The following IFT80 variants were observed in gnomAD, a reference collection of about 807,000 sequenced individuals.
IFT80 encodes intraflagellar transport 80.
Under a neutral mutation model 107.9 loss-of-function variants are expected in IFT80, and 79 were observed. The observed-to-expected ratio is 0.73, with a 90% CI of 0.61 to 0.88. The LOEUF (loss-of-function observed/expected upper bound fraction) is 0.88. Ranked by LOEUF, IFT80 falls within the 40% of genes least tolerant of loss-of-function variation. IFT80 has a pLI of 0.00. For missense variants in IFT80, 797 were observed against 914.2 expected, an observed-to-expected ratio of 0.87 and a Z score of 1.65; for synonymous variants, 299 against 300.9, an observed-to-expected ratio of 0.99 and a Z score of 0.07.
intron 8 of IFT80, among the ~76,000 whole-genome samples, chr3:160,326,903 T>A (rs112186271): frequency 0.15 from 22,772 of 151,972 alleles, 2,163 homozygotes; most frequent in Non-Finnish European, 0.21. Context: ...GATGACATGA[T>A]CCCATTATAC....
At chr3:160,343,342 C>T (rs1720055798) in intron 8 of IFT80, among the ~76,000 whole-genome samples, 1 of 152,068 alleles carries the variant, frequency 6.6e-6, no homozygotes, top group Non-Finnish European at 1.5e-5. Context: ...CAAGCAATAG[C>T]ACCACCTGCT....
chr3:160,272,926 T>C (rs769382656), intron 18 of IFT80, among the ~76,000 whole-genome samples: 1 of 152,194 alleles, frequency 6.6e-6, no homozygotes, highest in Non-Finnish European at 1.5e-5. Context: ...GCAGCTAAAG[T>C]ACATAAACAA....
chr3:160,269,202 C>G (rs1467932465), intron 18 of IFT80, among the ~76,000 whole-genome samples: 1 of 148,388 alleles, frequency 6.7e-6, no homozygotes, highest in Non-Finnish European at 1.5e-5. Context: ...GCATTCCGGC[C>G]TGGGTGACAG....
intron 8 of IFT80, among the ~76,000 whole-genome samples, chr3:160,353,119 A>T (rs6441315): frequency 0.8 from 121,059 of 152,150 alleles, 49,412 homozygotes; most frequent in African/African-American, 0.95. Flanking sequence ...AAACTATGAT[A>T]CCTCACCTTT....
chr3:160,313,509 A>G (rs1717565622), intron 9 of IFT80, among the ~76,000 whole-genome samples: 1 of 152,082 alleles, frequency 6.6e-6, no homozygotes, highest in African/African-American at 2.4e-5. Flanking sequence ...ACCAGAATAA[A>G]GCATCCTAGC....
At chr3:160,384,010 T>G (rs1351142365) in intron 2 of IFT80, 1 of 845,606 alleles carries the variant, frequency 1.2e-6, no homozygotes, top group Non-Finnish European at 1.4e-6. Context: ...TTTGGGAGGC[T>G]GGGGCGGGTG....
At chr3:160,351,293 CA>C (rs975583889) in intron 8 of IFT80, among the ~76,000 whole-genome samples, 4 of 149,744 alleles carry the variant, frequency 2.7e-5, no homozygotes, top group Non-Finnish European at 4.4e-5. Flanking sequence ...TTTTTAATAA[CA>C]ATATAATAAT....
At chr3:160,361,314 A>C (rs1308094106) in intron 6 of IFT80, among the ~76,000 whole-genome samples, 1 of 152,244 alleles carries the variant, frequency 6.6e-6, no homozygotes, top group African/African-American at 2.4e-5. Flanking sequence ...TCAATTCAAC[A>C]AGAAGAGCTA....
At chr3:160,286,102 A>G (rs1182155845) in intron 12 of IFT80, among the ~76,000 whole-genome samples, 1 of 152,214 alleles carries the variant, frequency 6.6e-6, no homozygotes, top group Admixed American at 6.5e-5. Flanking sequence ...ATGGTATGGC[A>G]TTAATGCTCC....
At chr3:160,331,410 A>G (rs1167781526) in intron 8 of IFT80, among the ~76,000 whole-genome samples, 4 of 152,160 alleles carry the variant, frequency 2.6e-5, no homozygotes, top group Non-Finnish European at 4.4e-5. Flanking sequence ...TCCCTTTAAT[A>G]TTTTCAGATC....
chr3:160,385,893 GAAGA>G (rs1277843606), intron 1 of IFT80, among the ~76,000 whole-genome samples: 1 of 152,126 alleles, frequency 6.6e-6, no homozygotes, highest in African/African-American at 2.4e-5. Context: ...GATTTTAAAA[GAAGA>G]AAGGCAGATA....
intron 5 of IFT80, among the ~76,000 whole-genome samples, chr3:160,367,670 A>T (rs935031713): frequency 6.6e-6 from 1 of 152,078 alleles, no homozygotes; most frequent in Non-Finnish European, 1.5e-5. Context: ...TGATTTACCT[A>T]CCACTCTATA....
intron 16 of IFT80, among the ~76,000 whole-genome samples, chr3:160,278,061 A>G (rs539378794): frequency 6.6e-6 from 1 of 152,322 alleles, no homozygotes; most frequent in East Asian, 1.9e-4. Context: ...TTAAGAAGAA[A>G]TTACTTAGGC....
chr3:160,295,121 G>T (rs1422399489), intron 12 of IFT80, among the ~76,000 whole-genome samples: 1 of 152,142 alleles, frequency 6.6e-6, no homozygotes, highest in Non-Finnish European at 1.5e-5. Context: ...ATGAAAAGAT[G>T]CTCAATGTAA....
chr3:160,389,819 G>A (rs1713227824), intron 1 of IFT80, among the ~76,000 whole-genome samples: 1 of 152,112 alleles, frequency 6.6e-6, no homozygotes, highest in South Asian at 2.1e-4. Context: ...ATAGCAGCAT[G>A]ATTTATAGTC....
At chr3:160,278,795 G>C (rs962262623) in intron 16 of IFT80, among the ~76,000 whole-genome samples, 12 of 152,120 alleles carry the variant, frequency 7.9e-5, no homozygotes, top group Non-Finnish European at 1.3e-4. Context: ...ATTCAACCAA[G>C]TTGGAAAAAG....
chr3:160,280,608 T>C, intron 15 of IFT80, 59 bp downstream of exon 15: 4 of 1,430,940 alleles, frequency 2.8e-6, no homozygotes, highest in Non-Finnish European at 3.9e-6. Flanking sequence ...AGCCAAAACA[T>C]GATACTCTAT....
Position 160,357,493 on chromosome 3 carries a change from T to A in IFT80, c.635A>T (p.Tyr212Phe). The A allele has an allele frequency of 6.8e-7, 1 of 1,476,102 alleles. No homozygotes were observed. The highest frequency in any genetic ancestry group is 9.5e-7 in the Non-Finnish European group (1 of 1,055,872). 91.4% of individuals were successfully genotyped at this position (1,476,102 alleles called of 1,614,324 possible). A position where few individuals can be genotyped will look rare whatever the true frequency, so the allele number is the denominator to read the frequency against. ...LILSAGEDCK[Y>F]KVWDSYGRPL... ...ATAAATCTAAACATTATATACCTTATATTTACAGTCTTCACCAGCAGATAA... is the reference window on the plus strand; with the variant it reads ...ATAAATCTAAACATTATATACCTTAAATTTACAGTCTTCACCAGCAGATAA... Residue 212 changes from tyrosine (Y) to phenylalanine (F), a missense_variant, in exon 7 of 20, where the codon TAT becomes TTT. By Grantham distance (22) the Tyr-to-Phe change is conservative. Transcript: ENST00000326448.
intron 1 of IFT80, 33 bp from the exon 2 acceptor site, chr3:160,384,679 C>G: frequency 6.6e-7 from 1 of 1,524,134 alleles, no homozygotes; most frequent in Non-Finnish European, 9.0e-7. Flanking sequence ...AATATAAAGT[C>G]AGCATTAAAA....
Sources: gnomAD v4.1 joint callset for allele counts (sites outside exome capture counted in the v4.1 genomes callset) on GRCh38, gnomAD v4.1.1 for gene constraint, MANE v1.5 for transcripts, NCBI Gene and HGNC (gene_info 2026-07-23, HGNC 2026-07-21) for gene names.